LRP1B: variants seen among roughly 807,000 people sequenced by gnomAD.
The protein encoded by LRP1B is LDL receptor related protein 1B.
Under a neutral mutation model 556.6 loss-of-function variants are expected in LRP1B, and 217 were observed. The observed-to-expected ratio is 0.39, with a 90% CI of 0.35 to 0.44. The LOEUF (loss-of-function observed/expected upper bound fraction) is 0.44. Ranked by LOEUF, LRP1B falls within the 20% of genes least tolerant of loss-of-function variation. LRP1B has a pLI of 1.00. For missense variants in LRP1B, 5,053 were observed against 5,620.8 expected (o/e 0.90, Z 3.23); for synonymous variants, 2,047 against 1,865.8 (o/e 1.10, Z -2.50).
chr2:140,487,612 GT>G lies in LRP1B; in HGVS notation c.9243+4del. On this transcript the variant is annotated splice_donor_region_variant and intron_variant, in intron 58 of 90. Transcript: ENST00000389484. ...AACAATCCCATCATTGTAATATTTAGTTACCTTAATGTCACTTCCATTTAAA... is the reference window on the plus strand; with the variant it reads ...AACAATCCCATCATTGTAATATTTAGTACCTTAATGTCACTTCCATTTAAA... 1 of 1,605,614 alleles carries G rather than the reference GT, an allele frequency of 6.2e-7. No individual in the cohort carries two copies. Among genetic ancestry groups the G allele is most frequent in the Non-Finnish European group, 8.5e-7 (1 of 1,174,688 alleles).
chr2:141,754,985 C>T (rs1199326678), intron 2 of LRP1B, among the ~76,000 whole-genome samples: 1 of 151,518 alleles, frequency 6.6e-6, no homozygotes, highest in Non-Finnish European at 1.5e-5. Context: ...CCATACCAAA[C>T]TCTGCTATCC....
At chr2:140,483,938 C>A (rs902300572) in intron 59 of LRP1B, among the ~76,000 whole-genome samples, 2 of 151,884 alleles carry the variant, frequency 1.3e-5, no homozygotes, top group African/African-American at 4.8e-5. Flanking sequence ...CCACACCCAG[C>A]TATCAAAAAT....
intron 1 of LRP1B, among the ~76,000 whole-genome samples, chr2:142,116,945 C>A (rs894124708): frequency 1.3e-5 from 2 of 152,114 alleles, no homozygotes; most frequent in African/African-American, 4.8e-5. Context: ...AATTTGTCTA[C>A]TTATCAGAAT....
chr2:140,757,115 C>T (rs1688766059), intron 35 of LRP1B, among the ~76,000 whole-genome samples: 1 of 152,142 alleles, frequency 6.6e-6, no homozygotes, highest in Non-Finnish European at 1.5e-5. Flanking sequence ...CAATGAGATA[C>T]CACTTTATAT....
chr2:140,636,598 T>G (rs1433444924), intron 41 of LRP1B, among the ~76,000 whole-genome samples: 1 of 152,168 alleles, frequency 6.6e-6, no homozygotes, highest in Non-Finnish European at 1.5e-5. Context: ...AGTCACTATA[T>G]TGTACTTACA....
intron 87 of LRP1B, among the ~76,000 whole-genome samples, chr2:140,245,125 T>C (rs981986968): frequency 5.9e-5 from 9 of 151,374 alleles, no homozygotes; most frequent in African/African-American, 2.2e-4. Context: ...TCAAAATGCA[T>C]TGATAGTTCT....
intron 3 of LRP1B, among the ~76,000 whole-genome samples, chr2:141,331,399 A>G (rs1339551360): frequency 1.3e-5 from 2 of 152,184 alleles, no homozygotes; most frequent in Non-Finnish European, 2.9e-5. Flanking sequence ...TTGGGTTGAT[A>G]TGGAGATGGG....
intron 2 of LRP1B, among the ~76,000 whole-genome samples, chr2:141,520,999 G>T (rs1430605362): frequency 6.6e-6 from 1 of 151,984 alleles, no homozygotes; most frequent in African/African-American, 2.4e-5. Context: ...TAAAACTTAA[G>T]CGAACAATTC....
intron 20 of LRP1B, among the ~76,000 whole-genome samples, chr2:140,933,892 T>G (rs1695125443): frequency 6.6e-6 from 1 of 152,120 alleles, no homozygotes; most frequent in Non-Finnish European, 1.5e-5. Flanking sequence ...TCTTTACTTT[T>G]GATGTAAAGA....
chr2:140,651,273 A>G (rs991316763), intron 41 of LRP1B, among the ~76,000 whole-genome samples: 1 of 142,774 alleles, frequency 7.0e-6, no homozygotes, highest in South Asian at 2.2e-4. Flanking sequence ...AACACCGCAT[A>G]TTCTCACTCA....
chr2:140,962,833 G>A (rs1416128471), intron 18 of LRP1B, among the ~76,000 whole-genome samples: 1 of 152,084 alleles, frequency 6.6e-6, no homozygotes, highest in Admixed American at 6.6e-5. Context: ...AGTTAGATGT[G>A]GTCATATTGC....
chr2:141,121,450 C>A (rs1010868235), intron 7 of LRP1B, among the ~76,000 whole-genome samples: 3 of 151,918 alleles, frequency 2.0e-5, no homozygotes, highest in Non-Finnish European at 4.4e-5. Context: ...TCTTATACAC[C>A]AATAACAGAC....
chr2:141,421,451 C>G (rs982265110), intron 3 of LRP1B, among the ~76,000 whole-genome samples: 38 of 150,066 alleles, frequency 2.5e-4, no homozygotes, highest in African/African-American at 8.5e-4. Flanking sequence ...ATGGCGTGAA[C>G]CCGGGAGGCG....
chr2:141,492,767 T>C (rs1249005611), intron 2 of LRP1B, among the ~76,000 whole-genome samples: 1 of 152,150 alleles, frequency 6.6e-6, no homozygotes, highest in African/African-American at 2.4e-5. Context: ...CAGCTCAATT[T>C]AAAAGTCATA....
At chr2:141,145,408 T>C (rs1701756425) in intron 7 of LRP1B, among the ~76,000 whole-genome samples, 1 of 151,546 alleles carries the variant, frequency 6.6e-6, no homozygotes. Context: ...TAGATTACAT[T>C]GCATATACTA....
intron 43 of LRP1B, among the ~76,000 whole-genome samples, chr2:140,572,043 A>G (rs1021165853): frequency 1.3e-5 from 2 of 151,794 alleles, no homozygotes; most frequent in African/African-American, 4.8e-5. Flanking sequence ...AACTACTAAA[A>G]GAAAACATAA....
chr2:141,640,970 C>T (rs1023114735), intron 2 of LRP1B, among the ~76,000 whole-genome samples: 2 of 152,088 alleles, frequency 1.3e-5, no homozygotes, highest in South Asian at 2.1e-4. Context: ...GGGCCTGCCA[C>T]GTACTAGTAT....
chr2:141,710,410 C>T (rs1351879540), intron 2 of LRP1B, among the ~76,000 whole-genome samples: 2 of 152,066 alleles, frequency 1.3e-5, no homozygotes, highest in African/African-American at 2.4e-5. Context: ...CTTGACAAAA[C>T]ACCTTCAATA....
At position 141,310,416 on chromosome 2, in the gene LRP1B, G is replaced by T. The variant is rs75232406; in HGVS notation, c.344-55775C>A. Among the ~76,000 whole-genome samples, 917 of 152,214 alleles carry T rather than the reference G, an allele frequency of 6.0e-3. 7 individuals are homozygous for T. Among genetic ancestry groups the T allele is most frequent in the African/African-American group, 0.021 (876 of 41,538 alleles). ...GCATACCTCGTAGGGTTATTATAATGATGAACTACAATAATCTGTTTAAAA... is the reference window on the plus strand; with the variant it reads ...GCATACCTCGTAGGGTTATTATAATTATGAACTACAATAATCTGTTTAAAA... On this transcript the variant is annotated intron_variant, in intron 3 of 90. Coordinates refer to ENST00000389484, the MANE Select transcript of LRP1B (RefSeq NM_018557.3).
Sources: allele counts gnomAD v4.1 joint callset (sites outside exome capture counted in the v4.1 genomes callset), GRCh38; gene constraint gnomAD v4.1.1; transcripts MANE v1.5; gene names NCBI Gene and HGNC (gene_info 2026-07-23, HGNC 2026-07-21).